LINC00237: variants seen among roughly 807,000 people sequenced by gnomAD.
LINC00237 encodes long independently transcribed non-coding RNA 237.
At chr20:21,087,427 G>C (rs1294736895) in intron 3 of LINC00237, among the ~76,000 whole-genome samples, 1 of 152,006 alleles carries the variant, frequency 6.6e-6, no homozygotes, top group Non-Finnish European at 1.5e-5. Context: ...ACCATTGTCA[G>C]ACAGGTCTCT....
rs1339471641 is a variant in LINC00237 at position 21,101,868 on chromosome 20, C to T, written n.88+4403G>A. On this transcript the variant is annotated intron_variant and non_coding_transcript_variant, in intron 1 of 3. Coordinates refer to ENST00000691244, the Ensembl canonical transcript of LINC00237. This position sits in a 1 kb window ranked among gnomAD's most constrained non-coding sequence, Gnocchi z 4.3. ...GGGGCCAGAGGCTGGCGGGGGCACG[C>T]GGGGGTGGTTGGGGGCGGAGTGCGG... Among the ~76,000 whole-genome samples the T allele has an allele frequency of 7.1e-6, 1 of 140,614 alleles. No individual in the cohort carries two copies. Among genetic ancestry groups the T allele is most frequent in the East Asian group, 2.4e-4 (1 of 4,124 alleles). The allele number at this position is 140,614 out of a possible 152,430, so 92.2% of individuals were successfully genotyped here. A position where few individuals can be genotyped will look rare whatever the true frequency, so the allele number is the denominator to read the frequency against.
intron 2 of LINC00237, among the ~76,000 whole-genome samples, chr20:21,088,314 C>A (rs1249323426): frequency 6.6e-6 from 1 of 152,172 alleles, no homozygotes; most frequent in Non-Finnish European, 1.5e-5. Context: ...ATTCTGGTTA[C>A]GTGAGCAAAC....
chr20:21,105,883 AG>A (rs1175579703), intron 1 of LINC00237, among the ~76,000 whole-genome samples: 1 of 152,090 alleles, frequency 6.6e-6, no homozygotes, highest in East Asian at 1.9e-4. Flanking sequence ...GCTGGGGAAA[AG>A]AAGGGGCTTG....
intron 2 of LINC00237, among the ~76,000 whole-genome samples, chr20:21,092,452 C>T (rs192994018): frequency 6.6e-6 from 1 of 152,300 alleles, no homozygotes; most frequent in East Asian, 1.9e-4. Context: ...TGGGAATGCC[C>T]AGGCGGTAGG....
chr20:21,090,249 CA>C (rs1770064853), intron 2 of LINC00237: 1 of 152,200 alleles, frequency 6.6e-6, no homozygotes, highest in Non-Finnish European at 1.5e-5. Flanking sequence ...TGTTTGTGAA[CA>C]GGAAGGCCAG....
chr20:21,103,422 G>T (rs1312514336), intron 1 of LINC00237, among the ~76,000 whole-genome samples: 1 of 152,178 alleles, frequency 6.6e-6, no homozygotes, highest in Non-Finnish European at 1.5e-5. Flanking sequence ...ACGGCTCGGG[G>T]CTGGCTTTGT....
chr20:21,091,046 C>T (rs975598691), intron 2 of LINC00237, among the ~76,000 whole-genome samples: 1 of 150,152 alleles, frequency 6.7e-6, no homozygotes, highest in African/African-American at 2.5e-5. Context: ...TGTAAATGTG[C>T]GTGTGTGTGT....
At chr20:21,091,446 G>T (rs79697253) in intron 2 of LINC00237, among the ~76,000 whole-genome samples, 1 of 152,100 alleles carries the variant, frequency 6.6e-6, no homozygotes, top group African/African-American at 2.4e-5. Flanking sequence ...AAGAGATTGT[G>T]CAAACCCTCC....
In LINC00237 at chr20:21,101,768, C is replaced by T. The variant is rs988880488; in HGVS notation, n.88+4503G>A. 6.6e-6 allele frequency among the ~76,000 whole-genome samples: 1 copy of T among 152,200 alleles called. No homozygotes were observed. Among genetic ancestry groups the T allele is most frequent in the Non-Finnish European group, 1.5e-5 (1 of 68,036 alleles). Reference sequence around the variant, plus strand: ...GCTTGGGCTTGGGCTTGGCCTTGGTCAAGAAAGGTTTCCTCGGCTGCGCCA... The same window carrying T: ...GCTTGGGCTTGGGCTTGGCCTTGGTTAAGAAAGGTTTCCTCGGCTGCGCCA... On this transcript the variant is annotated intron_variant and non_coding_transcript_variant, in intron 1 of 3. Coordinates refer to ENST00000691244, the Ensembl canonical transcript of LINC00237. The surrounding 1 kb of genome is among the most constrained non-coding windows in gnomAD (Gnocchi z 4.3).
Position 21,099,717 on chromosome 20 carries a change from C to T in LINC00237, n.89-5865G>A, listed in dbSNP as rs146324893. On this transcript the variant is annotated intron_variant and non_coding_transcript_variant, in intron 1 of 3. Transcript: ENST00000691244. ...CTTAATGATAATTACTTATTTTACA[C>T]GTTGTCGTCTGCTGATGTTTAAAAG... Among the ~76,000 whole-genome samples, 1,521 of 152,234 alleles carry T rather than the reference C, an allele frequency of 1.0e-2. 24 individuals carry two copies. Among genetic ancestry groups the T allele is most frequent in the African/African-American group, 0.035 (1,434 of 41,518 alleles).
chr20:21,088,567 A>G (rs538876842), intron 2 of LINC00237, among the ~76,000 whole-genome samples: 1 of 152,346 alleles, frequency 6.6e-6, no homozygotes, highest in African/African-American at 2.4e-5. Context: ...ACAGCAATAG[A>G]AAAGGTAGTG....
At chr20:21,097,309 C>T (rs2030871782) in intron 1 of LINC00237, among the ~76,000 whole-genome samples, 1 of 152,056 alleles carries the variant, frequency 6.6e-6, no homozygotes, top group South Asian at 2.1e-4. Context: ...CTTTTACATG[C>T]TAACCTGAAT....
rs114036526 is a variant in LINC00237, at chr20:21,101,913, C to T, written n.88+4358G>A. Among the ~76,000 whole-genome samples, 5,916 of 152,230 alleles carry T rather than the reference C, an allele frequency of 0.039. 334 individuals are homozygous for T. The highest frequency in any genetic ancestry group is 0.12 in the African/African-American group (5,149 of 41,532). On this transcript the variant is annotated intron_variant and non_coding_transcript_variant, in intron 1 of 3. Coordinates refer to ENST00000691244, the Ensembl canonical transcript of LINC00237. The surrounding 1 kb of genome is among the most constrained non-coding windows in gnomAD (Gnocchi z 4.3). ...GTGCGGCGAGGGGTGAGGGCGCGAC[C>T]GCCTTGGGGCAGGGGCGGCGATGGA...
chr20:21,090,673 T>C (rs1160924519), intron 2 of LINC00237, among the ~76,000 whole-genome samples: 1 of 152,098 alleles, frequency 6.6e-6, no homozygotes. Context: ...ATGAGAAAAG[T>C]CCTCTTCAGG....
At chr20:21,091,347 G>A (rs955798145) in intron 2 of LINC00237, among the ~76,000 whole-genome samples, 1 of 152,136 alleles carries the variant, frequency 6.6e-6, no homozygotes, top group Non-Finnish European at 1.5e-5. Flanking sequence ...GCAAACCACT[G>A]CACAGGACCA....
At chr20:21,102,852 G>A (rs945993202) in intron 1 of LINC00237, among the ~76,000 whole-genome samples, 1 of 152,180 alleles carries the variant, frequency 6.6e-6, no homozygotes, top group East Asian at 1.9e-4. Context: ...TGTGGTGATG[G>A]GTGTGCAGCG....
intron 2 of LINC00237, chr20:21,089,922 A>G (rs576573172): frequency 2.0e-5 from 3 of 152,356 alleles, no homozygotes. Flanking sequence ...TGCCATTTCC[A>G]CATTAAAAGG....
intron 1 of LINC00237, among the ~76,000 whole-genome samples, chr20:21,104,783 G>C (rs978490583): frequency 1.3e-5 from 2 of 152,210 alleles, no homozygotes; most frequent in African/African-American, 4.8e-5. Context: ...TAGCTAGGCA[G>C]GTTTTGTTTA....
intron 1 of LINC00237, among the ~76,000 whole-genome samples, chr20:21,105,931 G>C (rs1045912502): frequency 2.0e-5 from 3 of 152,214 alleles, no homozygotes; most frequent in Non-Finnish European, 4.4e-5. Flanking sequence ...GGCCCGGCCT[G>C]CGGGGAAACC....
Sources: allele counts gnomAD v4.1 joint callset (sites outside exome capture counted in the v4.1 genomes callset), GRCh38; gene constraint gnomAD v4.1.1; non-coding constraint Gnocchi (gnomAD v3.1); transcripts MANE v1.5; gene names NCBI Gene and HGNC (gene_info 2026-07-23, HGNC 2026-07-21).